AIM2: variants seen among roughly 807,000 people sequenced by gnomAD.
AIM2 encodes the protein absent in melanoma 2.
Under a neutral mutation model 27.7 loss-of-function variants are expected in AIM2, and 30 were observed. The ratio of observed to expected loss-of-function variants is 1.08; its 90% CI spans 0.81 to 1.47. The LOEUF is 1.47. Ranked by LOEUF, AIM2 falls within the 40% of genes most tolerant of loss-of-function variation. The probability of loss-of-function intolerance (pLI) is 0.00; values close to 1 mark genes in which losing one functional copy is unlikely to be tolerated. For missense variants in AIM2, 358 were observed against 411.3 expected, an observed-to-expected ratio of 0.87 and a Z score of 1.12; for synonymous variants, 141 against 145.3, an observed-to-expected ratio of 0.97 and a Z score of 0.21.
At chr1:159,114,327 T>C (rs1262435095) in intron 1 of AIM2, among the ~76,000 whole-genome samples, 3 of 152,178 alleles carry the variant, frequency 2.0e-5, no homozygotes, top group Non-Finnish European at 4.4e-5. Flanking sequence ...AGGCAGCAGT[T>C]TGAGCTAATT....
At chr1:159,081,370 T>A (rs1467479310), upstream of AIM2, 2 of 292,330 alleles carry the variant, frequency 6.8e-6, no homozygotes, top group East Asian at 1.1e-4. Flanking sequence ...TCTTTGGAAG[T>A]CAAATTGCAA....
In AIM2 at chr1:159,104,208, G is replaced by A. The variant is rs1463268091; in HGVS notation, c.-16+36223C>T. 2.6e-5 allele frequency among the ~76,000 whole-genome samples: 4 copies of A among 152,024 alleles called. No individual in the cohort carries two copies. In the East Asian group the frequency reaches 7.7e-4, roughly 29 times the overall value. On this transcript the variant is annotated intron_variant, in intron 1 of 2. Transcript: ENST00000368129. ...TGGAAAGAGACTATTCCAAGATAGG[G>A]GAAATGGGGGCAGAGCCACGGTGAC...
At chr1:159,072,526 G>A (rs1656405049) in intron 2 of AIM2, among the ~76,000 whole-genome samples, 1 of 152,052 alleles carries the variant, frequency 6.6e-6, no homozygotes, top group African/African-American at 2.4e-5. Context: ...CATAAAGCTG[G>A]GACATATCAA....
chr1:159,068,838 T>A (rs1557892939), intron 2 of AIM2, 137 bp from the exon 3 acceptor site: 1 of 960,644 alleles, frequency 1.0e-6, no homozygotes, highest in Non-Finnish European at 1.5e-6. Flanking sequence ...TAAAAAAAAA[T>A]CATATTTTAA....
intron 1 of AIM2, among the ~76,000 whole-genome samples, chr1:159,134,320 C>A (rs76996919): frequency 5.2e-4 from 79 of 152,360 alleles, no homozygotes; most frequent in African/African-American, 1.8e-3. Flanking sequence ...CAGCCTTCCA[C>A]TCTGTCCTCT....
At chr1:159,092,082 A>G (rs1390980383) in intron 1 of AIM2, among the ~76,000 whole-genome samples, 1 of 152,250 alleles carries the variant, frequency 6.6e-6, no homozygotes, top group Non-Finnish European at 1.5e-5. Flanking sequence ...TTATTGAAAA[A>G]AGAGGGCAAT....
At chr1:159,069,633 C>T (rs2101977785) in intron 2 of AIM2, among the ~76,000 whole-genome samples, 1 of 151,948 alleles carries the variant, frequency 6.6e-6, no homozygotes, top group Non-Finnish European at 1.5e-5. Context: ...ACCTCTGCCT[C>T]CTGGGTTCAA....
rs572476207 is a variant in AIM2, at chr1:159,066,207, C to T, written c.519G>A (p.Lys173=). Residue 173 remains lysine, a synonymous_variant, in exon 4 of 6, where the codon AAG becomes AAA. Coordinates refer to ENST00000368130, the MANE Select transcript of AIM2 (RefSeq NM_004833.3). The stretch of plus-strand genomic sequence containing the variant: ...CCACTGTAGCATGAAACATCTCCTG[C>T]TTGCCTTCTTGGGTCTCAAACGTGA... ...KPFTFETQEG[K]QEMFHATVAT... is the part of the protein sequence containing the mutation. The T allele has an allele frequency of 2.0e-5, 33 of 1,614,180 alleles. No individual in the cohort carries two copies. The highest frequency in any genetic ancestry group is 2.7e-5 in the Non-Finnish European group (32 of 1,180,032).
At position 159,131,175 on chromosome 1, in the gene AIM2, G is replaced by C. The variant is rs863024; in HGVS notation, c.-16+9256C>G. Among the ~76,000 whole-genome samples the C allele has an allele frequency of 4.2e-3, 637 of 152,264 alleles. 4 individuals are homozygous for C. The highest frequency in any genetic ancestry group is 7.5e-3 in the Non-Finnish European group (511 of 68,030). On this transcript the variant is annotated intron_variant, in intron 1 of 2. Coordinates refer to the AIM2 transcript ENST00000368129. ...CAGTTTAAGACCCAGAACCATGCCT[G>C]TCTTATTCCCAATGCATCTCCAGTG...
intron 1 of AIM2, among the ~76,000 whole-genome samples, chr1:159,131,287 C>T (rs1015019919): frequency 3.9e-5 from 6 of 152,048 alleles, no homozygotes; most frequent in Admixed American, 1.3e-4. Flanking sequence ...GGGAATGATT[C>T]GGTACACTTT....
chr1:159,070,546 C>T (rs1557893801), intron 2 of AIM2, among the ~76,000 whole-genome samples: 2 of 152,068 alleles, frequency 1.3e-5, no homozygotes, highest in Non-Finnish European at 1.5e-5. Flanking sequence ...CAGAAGAGGG[C>T]CTGGGAAATT....
intron 2 of AIM2, among the ~76,000 whole-genome samples, 195 bp from the exon 3 acceptor site, chr1:159,068,896 T>G (rs1453241828): frequency 6.6e-6 from 1 of 152,092 alleles, no homozygotes; most frequent in Non-Finnish European, 1.5e-5. Context: ...CCCAGCACTT[T>G]GGGAGGCCAA....
the AIM2 span, among the ~76,000 whole-genome samples, chr1:159,056,730 A>AC: frequency 1.5e-5 from 2 of 135,840 alleles, no homozygotes; most frequent in Non-Finnish European, 3.3e-5. Context: ...AAAAAAAAAA[A>AC]AAAAAAAAAA....
At chr1:159,097,516 G>GAGATAGTACA (rs1657203871) in intron 1 of AIM2, among the ~76,000 whole-genome samples, 1 of 152,130 alleles carries the variant, frequency 6.6e-6, no homozygotes, top group South Asian at 2.1e-4. Context: ...TAAGAACAGA[G>GAGATAGTACA]AGATAGTACA....
chr1:159,063,522 T>C lies in AIM2; in HGVS notation c.969A>G (p.Lys323=), dbSNP rs1430045356. 7 of 1,614,060 alleles carry C rather than the reference T, an allele frequency of 4.3e-6. No individual in the cohort carries two copies. The highest frequency in any genetic ancestry group is 5.9e-6 in the Non-Finnish European group (7 of 1,180,002). Residue 323 remains lysine, a synonymous_variant, in exon 5 of 6, where the codon AAA becomes AAG. Transcript: ENST00000368130. ...TATGAACTCCAGATGTCAGCTGTAG[T>C]TTTTCTCCATTTTTTGACAGTGTGA... ...TFFTLSKNGE[K]LQLTSGVHST... is the part of the protein sequence containing the mutation.
intron 2 of AIM2, among the ~76,000 whole-genome samples, chr1:159,069,134 T>C (rs1348855004): frequency 6.7e-6 from 1 of 149,968 alleles, no homozygotes; most frequent in African/African-American, 2.5e-5. Context: ...AGTGAGACCC[T>C]GTCTGTCTCA....
intron 2 of AIM2, among the ~76,000 whole-genome samples, chr1:159,071,280 C>T (rs1474905305): frequency 1.3e-5 from 2 of 152,204 alleles, no homozygotes; most frequent in Admixed American, 1.3e-4. Context: ...TAGCACTCTA[C>T]ATGCAGACAT....
upstream of AIM2, among the ~76,000 whole-genome samples, chr1:159,078,855 A>G (rs1336818235): frequency 2.0e-5 from 3 of 152,194 alleles, no homozygotes; most frequent in Non-Finnish European, 4.4e-5. Context: ...GGAGGCTCCT[A>G]CTGTAGCAAC....
downstream of AIM2, among the ~76,000 whole-genome samples, chr1:159,061,386 T>C (rs1655828235): frequency 6.6e-6 from 1 of 152,006 alleles, no homozygotes; most frequent in Non-Finnish European, 1.5e-5. Context: ...TTATAAATTC[T>C]GGATACAGGA....
Sources: gnomAD v4.1 joint callset for allele counts (sites outside exome capture counted in the v4.1 genomes callset) on GRCh38, gnomAD v4.1.1 for gene constraint, MANE v1.5 for transcripts, NCBI Gene and HGNC (gene_info 2026-07-23, HGNC 2026-07-21) for gene names.